Variants in KIAA1549L observed in about 807,000 individuals in gnomAD.
KIAA1549L encodes the protein UPF0606 protein KIAA1549L.
In KIAA1549L, 88 loss-of-function variants were observed where a neutral mutation model predicts 160.7. The observed-to-expected ratio is 0.55, with a 90% CI of 0.46 to 0.65. The LOEUF (loss-of-function observed/expected upper bound fraction) is 0.65. Among genes scored for constraint, KIAA1549L ranks in the 30% least tolerant of loss-of-function variants. The probability of loss-of-function intolerance (pLI) is 0.00; values close to 1 mark genes in which losing one functional copy is unlikely to be tolerated. For synonymous variants in KIAA1549L, 950 were observed against 976.7 expected (o/e 0.97, Z 0.51); for missense variants, 2,258 against 2,437.5 (o/e 0.93, Z 1.55).
chr11:33,606,902 A>T, intron 14 of KIAA1549L, 80 bp downstream of exon 14: 1 of 1,257,108 alleles, frequency 8.0e-7, no homozygotes, highest in East Asian at 2.5e-5. Context: ...ACCTGTGAAT[A>T]CTGGGTGCAG....
intron 1 of KIAA1549L, among the ~76,000 whole-genome samples, chr11:33,481,803 G>A (rs1330651313): frequency 6.6e-6 from 1 of 152,202 alleles, no homozygotes; most frequent in African/African-American, 2.4e-5. Flanking sequence ...AGACCTTAAT[G>A]ATATTGGATT....
At position 33,507,018 on chromosome 11, in the gene KIAA1549L, A is replaced by G. The variant is rs112764608; in HGVS notation, c.239-34784A>G. ...GGATCAGCCCTGTTCAGTTTTGTGT[A>G]CCAAACTCCTGAGCCACTCAGTCCA... is the stretch of plus-strand genomic sequence containing the variant. On this transcript the variant is annotated intron_variant, in intron 1 of 20. Transcript: ENST00000658780. Among the ~76,000 whole-genome samples, 193 of 152,206 alleles carry G rather than the reference A, an allele frequency of 1.3e-3. 4 individuals carry two copies. The highest frequency in any genetic ancestry group is 4.5e-3 in the African/African-American group (186 of 41,532).
chr11:33,562,975 C>T (rs1211829956), intron 8 of KIAA1549L, among the ~76,000 whole-genome samples: 1 of 152,034 alleles, frequency 6.6e-6, no homozygotes, highest in Non-Finnish European at 1.5e-5. Flanking sequence ...GCCGCTGTGC[C>T]TGGCCTAACT....
At chr11:33,604,839 T>G (rs1850455813) in intron 13 of KIAA1549L, among the ~76,000 whole-genome samples, 1 of 152,112 alleles carries the variant, frequency 6.6e-6, no homozygotes, top group South Asian at 2.1e-4. Context: ...AGACTACATA[T>G]TGGGTACAGG....
At chr11:33,621,831 T>C (rs947416275) in intron 16 of KIAA1549L, among the ~76,000 whole-genome samples, 7 of 152,216 alleles carry the variant, frequency 4.6e-5, no homozygotes, top group African/African-American at 1.4e-4. Context: ...CTCTTCAACA[T>C]TGATCTGTTT....
intron 1 of KIAA1549L, among the ~76,000 whole-genome samples, chr11:33,519,931 C>T (rs1050559083): frequency 7.7e-5 from 10 of 130,682 alleles, no homozygotes; most frequent in African/African-American, 1.5e-4. Flanking sequence ...AAGGAAATAT[C>T]GGGTCGCCAT....
At chr11:33,526,794 A>G (rs946881750) in intron 1 of KIAA1549L, among the ~76,000 whole-genome samples, 32 of 152,224 alleles carry the variant, frequency 2.1e-4, no homozygotes, top group African/African-American at 7.5e-4. Flanking sequence ...AATGGATCCA[A>G]ACCAATAAGA....
intron 1 of KIAA1549L, among the ~76,000 whole-genome samples, chr11:33,508,744 T>C (rs1044394472): frequency 1.3e-5 from 2 of 152,192 alleles, no homozygotes; most frequent in Non-Finnish European, 2.9e-5. Flanking sequence ...TGGACCACCC[T>C]CTTGAAAATC....
At chr11:33,578,833 T>C (rs61888300) in intron 10 of KIAA1549L, among the ~76,000 whole-genome samples, 15,756 of 152,260 alleles carry the variant, frequency 0.1, 1,063 homozygotes, top group Non-Finnish European at 0.15. Flanking sequence ...GGAGCTCCCA[T>C]TGCCCTCCTC....
At chr11:33,493,825 TC>T (rs2133072438) in intron 1 of KIAA1549L, among the ~76,000 whole-genome samples, 2 of 152,272 alleles carry the variant, frequency 1.3e-5, no homozygotes, top group East Asian at 3.9e-4. Context: ...AAGCTGATAG[TC>T]CCATCACTCC....
At chr11:33,665,083 CTCT>C (rs1283108713) in intron 20 of KIAA1549L, 2 of 144,112 alleles carry the variant, frequency 1.4e-5, no homozygotes, top group African/African-American at 5.5e-5. Flanking sequence ...CCTGGGGACA[CTCT>C]TCTTTTTGTA....
chr11:33,391,221 C>T (rs916490073), intron 1 of KIAA1549L, among the ~76,000 whole-genome samples: 1 of 152,114 alleles, frequency 6.6e-6, no homozygotes, highest in Admixed American at 6.5e-5. Flanking sequence ...ATATAATTAA[C>T]CCTTTCACTG....
At chr11:33,541,779 C>T (rs995712733) in intron 1 of KIAA1549L, 23 bp from the exon 2 acceptor site, 4 of 247,022 alleles carry the variant, frequency 1.6e-5, no homozygotes, top group South Asian at 5.0e-5. Context: ...CAACACCTGA[C>T]GGCCTGATAT....
chr11:33,650,587 T>C (rs1212377798), intron 17 of KIAA1549L, among the ~76,000 whole-genome samples: 3 of 152,064 alleles, frequency 2.0e-5, no homozygotes, highest in Non-Finnish European at 4.4e-5. Flanking sequence ...TCCCACCTTT[T>C]CTCGGGTTGC....
At chr11:33,504,829 C>T (rs1853042620) in intron 1 of KIAA1549L, among the ~76,000 whole-genome samples, 1 of 152,116 alleles carries the variant, frequency 6.6e-6, no homozygotes, top group Admixed American at 6.6e-5. Flanking sequence ...TGCAGTGGTG[C>T]AATTATGGCT....
At chr11:33,415,760 A>C (rs1346894335) in intron 1 of KIAA1549L, among the ~76,000 whole-genome samples, 1 of 152,142 alleles carries the variant, frequency 6.6e-6, no homozygotes, top group Admixed American at 6.5e-5. Flanking sequence ...AGAGAGCCAA[A>C]ATGAAGAAGC....
chr11:33,490,579 A>G (rs1852634750), intron 1 of KIAA1549L, among the ~76,000 whole-genome samples: 1 of 152,118 alleles, frequency 6.6e-6, no homozygotes, highest in African/African-American at 2.4e-5. Context: ...CTGGGATTAC[A>G]GGCATGAGCT....
intron 1 of KIAA1549L, among the ~76,000 whole-genome samples, chr11:33,474,014 C>T (rs1278012380): frequency 2.0e-5 from 3 of 152,022 alleles, no homozygotes; most frequent in Non-Finnish European, 2.9e-5. Context: ...GGAAAGTGCA[C>T]CAGCATCTCA....
At chr11:33,552,431 G>A (rs1290035984) in intron 6 of KIAA1549L, among the ~76,000 whole-genome samples, 190 bp downstream of exon 6, 1 of 152,028 alleles carries the variant, frequency 6.6e-6, no homozygotes, top group Non-Finnish European at 1.5e-5. Flanking sequence ...CACCTATTGT[G>A]GTTTGGGGTT....
Sources: gnomAD v4.1 joint callset for allele counts (sites outside exome capture counted in the v4.1 genomes callset) on GRCh38, gnomAD v4.1.1 for gene constraint, MANE v1.5 for transcripts, NCBI Gene and HGNC (gene_info 2026-07-23, HGNC 2026-07-21) for gene names.